FRAS1: variants seen among roughly 807,000 people sequenced by gnomAD.
FRAS1 encodes the protein Fraser extracellular matrix complex subunit 1.
In FRAS1, 290 loss-of-function variants were observed where a neutral mutation model predicts 435.2. The ratio of observed to expected loss-of-function variants is 0.67; its 90% CI spans 0.61 to 0.73. FRAS1 has a LOEUF of 0.73. Ranked by LOEUF, FRAS1 falls within the 30% of genes least tolerant of loss-of-function variation. FRAS1 has a pLI of 0.00. For synonymous variants in FRAS1, 1,800 were observed against 1,851.0 expected (o/e 0.97, Z 0.71); for missense variants, 4,860 against 5,001.5 (o/e 0.97, Z 0.85).
intron 2 of FRAS1, among the ~76,000 whole-genome samples, chr4:78,132,796 C>G (rs955043104): frequency 6.6e-6 from 1 of 152,118 alleles, no homozygotes; most frequent in African/African-American, 2.4e-5. Flanking sequence ...ATGGGAAGGG[C>G]CACTCAGTGG....
At chr4:78,171,533 A>C (rs2110037532) in intron 2 of FRAS1, among the ~76,000 whole-genome samples, 1 of 152,054 alleles carries the variant, frequency 6.6e-6, no homozygotes. Context: ...GTTAACTCCC[A>C]CCTCCACCCC....
At chr4:78,311,251 A>C (rs1218206211) in intron 15 of FRAS1, among the ~76,000 whole-genome samples, 2 of 150,450 alleles carry the variant, frequency 1.3e-5, no homozygotes, top group Non-Finnish European at 3.0e-5. Flanking sequence ...CATTTTTTAA[A>C]ATCTTTTTAT....
At position 78,384,143 on chromosome 4, in the gene FRAS1, G is replaced by A; in HGVS notation, c.3648G>A (p.Gln1216=). The A allele has an allele frequency of 6.3e-7, 1 of 1,580,296 alleles. No homozygotes were observed. Among genetic ancestry groups the A allele is most frequent in the Non-Finnish European group, 8.6e-7 (1 of 1,164,914 alleles). The change falls in exon 28 of 74, where the codon CAG becomes CAA. Residue 1216 remains glutamine (Q), a splice_region_variant and synonymous_variant. Coordinates refer to ENST00000512123, the MANE Select transcript of FRAS1 (RefSeq NM_025074.7). ...QLINIQAFST[Q]APYVLRNEVL... ...TCAACATACAAGCATTTTCAACACA[G>A]GTAATAAAAATGGCCACGTAATTAA...
chr4:78,472,376 T>C, intron 52 of FRAS1, 46 bp downstream of exon 52: 1 of 1,501,174 alleles, frequency 6.7e-7, no homozygotes, highest in South Asian at 1.4e-5. Context: ...TCTATGCTAA[T>C]GTCACACTGC....
chr4:78,237,941 G>A (rs994717967), intron 3 of FRAS1, among the ~76,000 whole-genome samples: 1 of 152,134 alleles, frequency 6.6e-6, no homozygotes, highest in Non-Finnish European at 1.5e-5. Flanking sequence ...GATGAGGAAT[G>A]TGAAGCCTGG....
chr4:78,084,569 T>C (rs1741054355), intron 2 of FRAS1, among the ~76,000 whole-genome samples: 1 of 152,140 alleles, frequency 6.6e-6, no homozygotes, highest in African/African-American at 2.4e-5. Flanking sequence ...TGCTGCTCAG[T>C]TTGTCCCATC....
At chr4:78,200,923 AAT>A (rs1723028331) in intron 2 of FRAS1, among the ~76,000 whole-genome samples, 1 of 143,766 alleles carries the variant, frequency 7.0e-6, no homozygotes, top group Admixed American at 7.1e-5. Context: ...ATATATGTTA[AAT>A]ATATATATTT....
At chr4:78,251,251 TG>T (rs757158647) in intron 4 of FRAS1, among the ~76,000 whole-genome samples, 1 of 152,180 alleles carries the variant, frequency 6.6e-6, no homozygotes, top group Non-Finnish European at 1.5e-5. Context: ...TAAGAATGGA[TG>T]GGAGAGGACT....
intron 29 of FRAS1, among the ~76,000 whole-genome samples, chr4:78,395,927 T>A (rs998861031): frequency 3.9e-5 from 6 of 152,114 alleles, no homozygotes; most frequent in African/African-American, 7.2e-5. Context: ...CCTGTCTTCC[T>A]TTCTGTCTCT....
chr4:78,380,024 C>T (rs1308710025), intron 27 of FRAS1, 28 bp downstream of exon 27: 2 of 1,602,066 alleles, frequency 1.2e-6, no homozygotes, highest in African/African-American at 2.7e-5. Flanking sequence ...TGTTTTCTTC[C>T]TGCCTCCTTT....
At chr4:78,433,079 C>T (rs1323474111) in intron 38 of FRAS1, among the ~76,000 whole-genome samples, 1 of 152,188 alleles carries the variant, frequency 6.6e-6, no homozygotes, top group African/African-American at 2.4e-5. Flanking sequence ...AGCAGTGCCT[C>T]TCTGTCAGAT....
At chr4:78,411,772 T>G (rs923632854) in intron 31 of FRAS1, among the ~76,000 whole-genome samples, 5 of 152,126 alleles carry the variant, frequency 3.3e-5, no homozygotes, top group African/African-American at 1.2e-4. Context: ...TAGAATATAT[T>G]CCGCCACCGC....
intron 2 of FRAS1, among the ~76,000 whole-genome samples, chr4:78,210,647 CAT>C (rs1723464711): frequency 6.6e-6 from 1 of 152,138 alleles, no homozygotes; most frequent in African/African-American, 2.4e-5. Flanking sequence ...AGGGATGGCT[CAT>C]GTGTCATTGT....
In FRAS1 at chr4:78,541,054, G is replaced by T; in HGVS notation, c.11969G>T (p.Gly3990Val). The change falls in exon 74 of 74, where the codon GGT becomes GTT. Residue 3990 changes from glycine (G) to valine (V), a missense_variant. Physicochemically the swap from Gly to Val is moderately radical, Grantham distance 109. Coordinates refer to ENST00000512123, the MANE Select transcript of FRAS1 (RefSeq NM_025074.7). ...SEPEAAYTFK[G>V]AKVKRLNLEV... is the part of the protein sequence containing the mutation. ...CCTGAGGCGGCTTACACGTTCAAAGGTGCTAAAGTCAAAAGACTGAATCTA... is the reference window on the plus strand; with the variant it reads ...CCTGAGGCGGCTTACACGTTCAAAGTTGCTAAAGTCAAAAGACTGAATCTA... The T allele has an allele frequency of 1.4e-6, 2 of 1,444,922 alleles. No homozygotes were observed. Among genetic ancestry groups the T allele is most frequent in the Non-Finnish European group, 1.8e-6 (2 of 1,092,490 alleles). The allele number at this position is 1,444,922 out of a possible 1,614,324, so 89.5% of individuals were successfully genotyped here. A position where few individuals can be genotyped will look rare whatever the true frequency, so the allele number is the denominator to read the frequency against.
At chr4:78,497,199 T>A (rs959571492) in intron 60 of FRAS1, among the ~76,000 whole-genome samples, 5 of 152,150 alleles carry the variant, frequency 3.3e-5, no homozygotes, top group African/African-American at 1.2e-4. Flanking sequence ...ATGGACTGAT[T>A]GTGGTCAAAA....
chr4:78,459,437 CAG>C (rs1719303836), intron 47 of FRAS1, among the ~76,000 whole-genome samples: 1 of 152,226 alleles, frequency 6.6e-6, no homozygotes, highest in African/African-American at 2.4e-5. Context: ...TGGCAGAGGA[CAG>C]GGGGAGCCCA....
At chr4:78,497,059 G>C in intron 60 of FRAS1, 98 bp downstream of exon 60, 1 of 938,034 alleles carries the variant, frequency 1.1e-6, no homozygotes, top group East Asian at 2.5e-5. Context: ...AGTGCTTTAA[G>C]AATGCCTACT....
At chr4:78,071,497 C>T (rs1464467097) in intron 2 of FRAS1, 1 of 152,108 alleles carries the variant, frequency 6.6e-6, no homozygotes, top group African/African-American at 2.4e-5. Context: ...TGGAGTAAGT[C>T]ACTTGAATGA....
intron 70 of FRAS1, among the ~76,000 whole-genome samples, chr4:78,531,645 G>A (rs907718410): frequency 2.0e-5 from 3 of 152,068 alleles, no homozygotes; most frequent in African/African-American, 7.2e-5. Flanking sequence ...ACCTTCACCT[G>A]GTGACCTTTC....
Sources: gnomAD v4.1 joint callset for allele counts (sites outside exome capture counted in the v4.1 genomes callset) on GRCh38, gnomAD v4.1.1 for gene constraint, MANE v1.5 for transcripts, NCBI Gene and HGNC (gene_info 2026-07-23, HGNC 2026-07-21) for gene names.